Variants in WWC2 observed in about 807,000 individuals in gnomAD.
The protein encoded by WWC2 is WW and C2 domain containing 2, also known as protein WWC2.
WWC2 carries 101 observed loss-of-function variants against 138.5 expected under a neutral mutation model. That is an observed-to-expected ratio of 0.73 (90% CI 0.62 to 0.86). WWC2 has a LOEUF of 0.86. Among genes scored for constraint, WWC2 ranks in the 40% least tolerant of loss-of-function variants. The pLI is 0.00. For synonymous variants in WWC2, 558 were observed against 538.4 expected (o/e 1.04, Z -0.50); for missense variants, 1,420 against 1,419.4 (o/e 1.00, Z -0.01).
In WWC2 at chr4:183,222,433, A is replaced by C. The variant is rs547666364; in HGVS notation, c.522+13408A>C. 8.5e-5 allele frequency among the ~76,000 whole-genome samples: 13 copies of C among 152,190 alleles called. No individual in the cohort carries two copies. The East Asian group carries it at 1.9e-3, about 23-fold the overall frequency. On this transcript the variant is annotated intron_variant, in intron 4 of 22. Transcript: ENST00000403733. ...AATCATATTCACAATAGCAAACCCAAATCATAAAATATCTAGAATTAACTT... is the reference window on the plus strand; with the variant it reads ...AATCATATTCACAATAGCAAACCCACATCATAAAATATCTAGAATTAACTT...
chr4:183,105,749 G>A (rs1287122078), intron 1 of WWC2, among the ~76,000 whole-genome samples: 1 of 152,082 alleles, frequency 6.6e-6, no homozygotes, highest in African/African-American at 2.4e-5. Context: ...AATTTGCCAG[G>A]CGTGGTGGCG....
chr4:183,109,613 C>G (rs1732160873), intron 1 of WWC2, among the ~76,000 whole-genome samples: 1 of 152,216 alleles, frequency 6.6e-6, no homozygotes, highest in Non-Finnish European at 1.5e-5. Flanking sequence ...CTATGAGAAT[C>G]TAATGCCACC....
intron 1 of WWC2, among the ~76,000 whole-genome samples, chr4:183,150,991 A>G (rs1051118016): frequency 3.3e-5 from 5 of 152,344 alleles, no homozygotes; most frequent in African/African-American, 7.2e-5. Context: ...TAGTGCCACA[A>G]TAAACATACG....
chr4:183,187,554 A>AAATAATAATAAAT (rs1734844911), intron 1 of WWC2, among the ~76,000 whole-genome samples: 1 of 127,634 alleles, frequency 7.8e-6, no homozygotes, highest in Admixed American at 8.0e-5. Context: ...CTCCGTCTCA[A>AAATAATAATAAAT]AATAATAATA....
chr4:183,102,249 G>A (rs1743204544), intron 1 of WWC2, among the ~76,000 whole-genome samples: 1 of 152,088 alleles, frequency 6.6e-6, no homozygotes, highest in African/African-American at 2.4e-5. Flanking sequence ...TTCTTCATAG[G>A]GGTGTTTGTG....
chr4:183,195,690 G>A (rs559353672), intron 2 of WWC2, among the ~76,000 whole-genome samples: 14 of 152,128 alleles, frequency 9.2e-5, no homozygotes, highest in Admixed American at 2.0e-4. Flanking sequence ...ACTCCCTTTC[G>A]TCACCCTCTC....
rs561220781 is a variant in WWC2 at position 183,219,549 on chromosome 4, C to G, written c.522+10524C>G. Among the ~76,000 whole-genome samples, 3 of 151,914 alleles carry G rather than the reference C, an allele frequency of 2.0e-5. No individual in the cohort carries two copies. The South Asian group carries it at 6.2e-4, about 32-fold the overall frequency. On this transcript the variant is annotated intron_variant, in intron 4 of 22. Coordinates refer to ENST00000403733, the MANE Select transcript of WWC2 (RefSeq NM_024949.6). ...TTTGAAGTCTCTTTAAATAAAAATG[C>G]CTATTTAAACAAAGATAATAAAATA... is the stretch of plus-strand genomic sequence containing the variant.
intron 4 of WWC2, among the ~76,000 whole-genome samples, chr4:183,229,864 C>T (rs1302153486): frequency 2.6e-5 from 4 of 152,056 alleles, no homozygotes; most frequent in African/African-American, 4.8e-5. Context: ...CTCGCTCTTT[C>T]GCCAAGGCTG....
chr4:183,161,696 C>T (rs535885297), intron 1 of WWC2, among the ~76,000 whole-genome samples: 7 of 152,236 alleles, frequency 4.6e-5, no homozygotes, highest in South Asian at 2.1e-4. Context: ...CAGTTGCCTA[C>T]GGTATTCTGT....
chr4:183,223,976 C>G (rs1010304757), intron 4 of WWC2, among the ~76,000 whole-genome samples: 1 of 152,178 alleles, frequency 6.6e-6, no homozygotes, highest in Non-Finnish European at 1.5e-5. Flanking sequence ...GGCTATCCCC[C>G]CCACCTCGGC....
rs371984725 is a variant in WWC2, at chr4:183,313,742, G to A, written c.3512+1274G>A. Among the ~76,000 whole-genome samples, 56 of 151,568 alleles carry A rather than the reference G, an allele frequency of 3.7e-4. No individual in the cohort carries two copies. In the South Asian group the frequency reaches 0.01, roughly 28 times the overall value. On this transcript the variant is annotated intron_variant, in intron 22 of 22. Transcript: ENST00000403733. Reference sequence around the variant, plus strand: ...AATCACTGAAGGGCTCGCCCCAAAAGAGATGCTAGAAAGAATGGCTGGAGA... The same window carrying A: ...AATCACTGAAGGGCTCGCCCCAAAAAAGATGCTAGAAAGAATGGCTGGAGA...
At position 183,101,436 on chromosome 4, in the gene WWC2, A is replaced by G. The variant is rs368534712; in HGVS notation, c.131+1814A>G. The stretch of plus-strand genomic sequence containing the variant: ...ATAAACAATTCATTGGATAGGGACA[A>G]ATAGTTTTGACTAAGATAGCTTTTT... On this transcript the variant is annotated intron_variant, in intron 1 of 22. Coordinates refer to ENST00000403733, the MANE Select transcript of WWC2 (RefSeq NM_024949.6). 8.5e-5 allele frequency among the ~76,000 whole-genome samples: 13 copies of G among 152,354 alleles called. 1 individual carries two copies. The highest frequency in any genetic ancestry group is 2.9e-4 in the African/African-American group (12 of 41,580).
intron 1 of WWC2, among the ~76,000 whole-genome samples, chr4:183,112,536 A>G (rs1490072972): frequency 1.3e-5 from 2 of 152,224 alleles, no homozygotes; most frequent in Non-Finnish European, 2.9e-5. Flanking sequence ...TCATTCACTC[A>G]GTCACTCATT....
intron 1 of WWC2, among the ~76,000 whole-genome samples, chr4:183,167,358 C>T (rs1734156806): frequency 6.6e-6 from 1 of 152,144 alleles, no homozygotes; most frequent in Non-Finnish European, 1.5e-5. Flanking sequence ...AGCTCGAATA[C>T]ATGCAGAAAT....
chr4:183,285,827 C>T (rs1738229251), intron 19 of WWC2, 140 bp from the exon 20 acceptor site: 1 of 691,910 alleles, frequency 1.4e-6, no homozygotes, highest in East Asian at 2.9e-5. Context: ...ACAGGAAAAA[C>T]TTGTTTGAGG....
chr4:183,175,915 A>G (rs1321981107), intron 1 of WWC2, among the ~76,000 whole-genome samples: 1 of 152,256 alleles, frequency 6.6e-6, no homozygotes, highest in Non-Finnish European at 1.5e-5. Context: ...CTTCACTGTG[A>G]TGAAGAACTA....
intron 1 of WWC2, among the ~76,000 whole-genome samples, chr4:183,161,782 C>T (rs541668784): frequency 2.0e-5 from 3 of 152,262 alleles, no homozygotes; most frequent in Admixed American, 6.5e-5. Flanking sequence ...TAGTAGGCTA[C>T]ACCTCCAGGT....
At chr4:183,241,702 C>T (rs1161370585) in intron 5 of WWC2, among the ~76,000 whole-genome samples, 2 of 151,594 alleles carry the variant, frequency 1.3e-5, no homozygotes, top group African/African-American at 2.4e-5. Flanking sequence ...CAGAGCTCCC[C>T]GATAAACCAG....
At position 183,253,663 on chromosome 4, in the gene WWC2, G is replaced by T. The variant is rs1737045626; in HGVS notation, c.954-94G>T. ...GGTAAGGTCAAGTTAGGAAAATCTG[G>T]ACAGCATGTCAACACCAAATTTGGC... On this transcript the variant is annotated intron_variant, in intron 8 of 22. Transcript: ENST00000403733. 4 of 1,467,722 alleles carry T rather than the reference G, an allele frequency of 2.7e-6. No homozygotes were observed. In the East Asian group the frequency reaches 9.1e-5, roughly 34 times the overall value. The allele number at this position is 1,467,722 out of a possible 1,614,324, so 90.9% of individuals were successfully genotyped here.
Sources: allele counts gnomAD v4.1 joint callset (sites outside exome capture counted in the v4.1 genomes callset), GRCh38; gene constraint gnomAD v4.1.1; transcripts MANE v1.5; gene names NCBI Gene and HGNC (gene_info 2026-07-23, HGNC 2026-07-21).